ART3: variants seen among roughly 807,000 people sequenced by gnomAD.
ART3 encodes the protein ecto-ADP-ribosyltransferase 3.
A neutral mutation model predicts 48.5 loss-of-function variants in ART3; 49 were observed. The observed-to-expected ratio is 1.01, with a 90% CI of 0.80 to 1.28. ART3 has a LOEUF of 1.28. Ranked by LOEUF, ART3 falls within the 50% of genes most tolerant of loss-of-function variation. The pLI is 0.00. For missense variants in ART3, 438 were observed against 454.3 expected (o/e 0.96, Z 0.33); for synonymous variants, 145 against 157.2 (o/e 0.92, Z 0.58).
intron 3 of ART3, among the ~76,000 whole-genome samples, chr4:76,089,474 C>G (rs1405669082): frequency 6.6e-6 from 1 of 152,164 alleles, no homozygotes; most frequent in Non-Finnish European, 1.5e-5. Flanking sequence ...CCCTCTCCCT[C>G]TTCCTCTTGC....
At chr4:76,046,423 T>C (rs1178011220) in intron 1 of ART3, among the ~76,000 whole-genome samples, 1 of 152,064 alleles carries the variant, frequency 6.6e-6, no homozygotes, top group East Asian at 1.9e-4. Context: ...TGTTCGGTTT[T>C]TGTACTCCTA....
chr4:76,013,272 G>C (rs1731966959), intron 1 of ART3, among the ~76,000 whole-genome samples: 3 of 152,198 alleles, frequency 2.0e-5, no homozygotes, highest in Admixed American at 2.0e-4. Context: ...TTGAGAACCT[G>C]CAAGTACTTT....
chr4:76,074,419 T>TA (rs1560613747), upstream of ART3, among the ~76,000 whole-genome samples: 1 of 152,038 alleles, frequency 6.6e-6, no homozygotes, highest in Non-Finnish European at 1.5e-5. Flanking sequence ...TAGCCTAGAG[T>TA]AAAATCCATG....
chr4:76,087,605 CAT>C (rs1334470198), intron 3 of ART3, among the ~76,000 whole-genome samples: 2 of 152,136 alleles, frequency 1.3e-5, no homozygotes, highest in Non-Finnish European at 2.9e-5. Flanking sequence ...GTGTGCTAAA[CAT>C]AGTCCCACAA....
intron 1 of ART3, among the ~76,000 whole-genome samples, chr4:76,048,581 C>T (rs1461552673): frequency 4.0e-5 from 6 of 151,744 alleles, no homozygotes; most frequent in East Asian, 1.9e-4. Context: ...TTGCGCTCAC[C>T]GATGCAGCAG....
upstream of ART3, among the ~76,000 whole-genome samples, chr4:76,070,929 T>C (rs1720248145): frequency 6.6e-6 from 1 of 152,018 alleles, no homozygotes; most frequent in Admixed American, 6.6e-5. Flanking sequence ...GCTTGTATGC[T>C]ATGTCTCATC....
chr4:76,061,153 G>C (rs1441990561), intron 1 of ART3, among the ~76,000 whole-genome samples: 1 of 152,156 alleles, frequency 6.6e-6, no homozygotes, highest in Non-Finnish European at 1.5e-5. Context: ...CTCTGAACTA[G>C]TCAGTTGCCT....
In ART3 at chr4:76,043,047, G is replaced by A. The variant is rs569337666; in HGVS notation, c.-10+31727G>A. On this transcript the variant is annotated intron_variant, in intron 1 of 9. Transcript: ENST00000341029. ...ACAGAGGTTCTCCGGGGCCCCACCA[G>A]AATAGCTAGATACAGAGTGTCGATT... is the stretch of plus-strand genomic sequence containing the variant. Among the ~76,000 whole-genome samples, 11 of 152,004 alleles carry A rather than the reference G, an allele frequency of 7.2e-5. 1 individual carries two copies. In the South Asian group the frequency reaches 2.3e-3, roughly 32 times the overall value.
intron 1 of ART3, among the ~76,000 whole-genome samples, chr4:76,069,590 A>G (rs1346888012): frequency 6.6e-6 from 1 of 151,920 alleles, no homozygotes; most frequent in East Asian, 1.9e-4. Context: ...CGGTTTCACC[A>G]TGTTAGCCAG....
At chr4:76,045,485 G>A (rs940226091) in intron 1 of ART3, among the ~76,000 whole-genome samples, 6 of 151,994 alleles carry the variant, frequency 3.9e-5, no homozygotes, top group African/African-American at 1.4e-4. Flanking sequence ...CTGACGCTAA[G>A]ACAGCCGCTG....
At chr4:76,104,928 G>A (rs933396292) in intron 10 of ART3, among the ~76,000 whole-genome samples, 5 of 152,096 alleles carry the variant, frequency 3.3e-5, no homozygotes, top group Non-Finnish European at 7.4e-5. Flanking sequence ...TAGATATTTG[G>A]CATCTTAAAA....
chr4:76,028,949 A>G (rs1197811290), intron 1 of ART3, among the ~76,000 whole-genome samples: 1 of 152,208 alleles, frequency 6.6e-6, no homozygotes, highest in East Asian at 1.9e-4. Context: ...AGATTTCATC[A>G]TTTGGAGGAA....
At chr4:76,094,106 C>A (rs6856609) in intron 3 of ART3, among the ~76,000 whole-genome samples, 73,598 of 151,990 alleles carry the variant, frequency 0.48, 18,615 homozygotes, top group East Asian at 0.92. Flanking sequence ...TGGCTATCTG[C>A]AAGCCAAGAA....
At chr4:76,018,138 C>T (rs943137457) in intron 1 of ART3, among the ~76,000 whole-genome samples, 3 of 152,206 alleles carry the variant, frequency 2.0e-5, no homozygotes, top group African/African-American at 7.2e-5. Context: ...CATAAAGACA[C>T]GTGCACATGT....
At chr4:76,039,003 G>A (rs868835732) in intron 1 of ART3, among the ~76,000 whole-genome samples, 1 of 152,004 alleles carries the variant, frequency 6.6e-6, no homozygotes, top group Non-Finnish European at 1.5e-5. Context: ...GATTACAGGC[G>A]TGAGCCACTG....
At chr4:76,100,098 G>T (rs565726458) in intron 5 of ART3, among the ~76,000 whole-genome samples, 193 bp from the exon 6 acceptor site, 7 of 152,194 alleles carry the variant, frequency 4.6e-5, no homozygotes, top group Non-Finnish European at 1.0e-4. Context: ...TAGGGGCAGA[G>T]AATGTTCCAG....
intron 8 of ART3, among the ~76,000 whole-genome samples, chr4:76,102,104 G>A (rs540721837): frequency 6.6e-6 from 1 of 152,312 alleles, no homozygotes; most frequent in Admixed American, 6.5e-5. Context: ...GCTGAGCACA[G>A]AAGTTTGGCT....
chr4:76,058,365 C>G (rs999432880), intron 1 of ART3, among the ~76,000 whole-genome samples: 2 of 152,138 alleles, frequency 1.3e-5, no homozygotes, highest in African/African-American at 4.8e-5. Flanking sequence ...TGAGTTTGGT[C>G]TGATTAGTGT....
chr4:76,108,676 G>GA (rs57710903), intron 11 of ART3, among the ~76,000 whole-genome samples: 82,796 of 151,504 alleles, frequency 0.55, 24,846 homozygotes, highest in African/African-American at 0.8. Context: ...ACAAGATGGG[G>GA]TATGTTCTGA....
Sources: allele counts gnomAD v4.1 joint callset (sites outside exome capture counted in the v4.1 genomes callset), GRCh38; gene constraint gnomAD v4.1.1; transcripts MANE v1.5; gene names NCBI Gene and HGNC (gene_info 2026-07-23, HGNC 2026-07-21).